Variants in PCDH15 observed in about 807,000 individuals in gnomAD.
The protein encoded by PCDH15 is protocadherin-15.
In PCDH15, 129 loss-of-function variants were observed where a neutral mutation model predicts 178.5. The ratio of observed to expected loss-of-function variants is 0.72; its 90% confidence interval spans 0.63 to 0.84. PCDH15 has a LOEUF of 0.84. Ranked by LOEUF, PCDH15 falls within the 40% of genes least tolerant of loss-of-function variation. The pLI, the probability that PCDH15 is intolerant of heterozygous loss-of-function variation, is 0.00. For missense variants in PCDH15, 2,230 were observed against 2,099.9 expected, an observed-to-expected ratio of 1.06 and a Z score of -1.21; for synonymous variants, 800 against 732.0, an observed-to-expected ratio of 1.09 and a Z score of -1.50.
intron 8 of PCDH15, among the ~76,000 whole-genome samples, chr10:54,287,332 T>G (rs1302669654): frequency 6.6e-6 from 1 of 152,212 alleles, no homozygotes; most frequent in African/African-American, 2.4e-5. Context: ...CACAACAATT[T>G]TACTATTTTG....
chr10:53,961,987 T>C, intron 21 of PCDH15, 95 bp from the exon 22 acceptor site: 3 of 1,056,732 alleles, frequency 2.8e-6, no homozygotes, highest in Non-Finnish European at 2.8e-6. Context: ...CATGGTCTTT[T>C]AGAAGTGAAA....
intron 1 of PCDH15, among the ~76,000 whole-genome samples, chr10:54,735,580 G>A (rs1425359282): frequency 4.2e-5 from 6 of 142,222 alleles, no homozygotes; most frequent in Admixed American, 7.2e-5. Flanking sequence ...TGTTTATTGC[G>A]GCATTATTCA....
intron 3 of PCDH15, among the ~76,000 whole-genome samples, chr10:54,490,127 ACTTT>A (rs2079447131): frequency 6.6e-6 from 1 of 152,102 alleles, no homozygotes; most frequent in Non-Finnish European, 1.5e-5. Context: ...ATGCATCTTG[ACTTT>A]CTAATTCCTC....
At chr10:55,447,088 A>G (rs577264955) in intron 2 of PCDH15, among the ~76,000 whole-genome samples, 23 of 152,232 alleles carry the variant, frequency 1.5e-4, no homozygotes, top group African/African-American at 5.3e-4. Flanking sequence ...GTCAAACACA[A>G]TGAATAATAA....
At chr10:54,865,595 C>T (rs771837566) in intron 3 of PCDH15, among the ~76,000 whole-genome samples, 1 of 152,092 alleles carries the variant, frequency 6.6e-6, no homozygotes, top group East Asian at 1.9e-4. Flanking sequence ...CAATCACCTG[C>T]CACCAGATCA....
At chr10:54,375,059 A>C (rs1283453485) in intron 4 of PCDH15, among the ~76,000 whole-genome samples, 1 of 152,094 alleles carries the variant, frequency 6.6e-6, no homozygotes, top group Non-Finnish European at 1.5e-5. Context: ...CTGGAAAATA[A>C]ATTTTTCTCT....
At chr10:55,442,470 T>TATTATATATATATAATATATATA (rs5785132) in intron 2 of PCDH15, among the ~76,000 whole-genome samples, 22 of 124,680 alleles carry the variant, frequency 1.8e-4, no homozygotes, top group Admixed American at 7.8e-4. Flanking sequence ...TATATATATA[T>TATTATATATATATAATATATATA]TATATATATA....
chr10:54,342,633 A>C (rs1942464790), intron 6 of PCDH15, among the ~76,000 whole-genome samples: 1 of 152,190 alleles, frequency 6.6e-6, no homozygotes, highest in Non-Finnish European at 1.5e-5. Flanking sequence ...TGTCTCCTCC[A>C]GATCCTAGAA....
At chr10:55,157,783 C>T (rs1838931645) in intron 2 of PCDH15, among the ~76,000 whole-genome samples, 1 of 148,906 alleles carries the variant, frequency 6.7e-6, no homozygotes, top group African/African-American at 2.5e-5. Flanking sequence ...GGAAGGGGTA[C>T]ATCACACACT....
intron 2 of PCDH15, among the ~76,000 whole-genome samples, chr10:55,577,480 ATAC>A (rs1367244342): frequency 3.9e-5 from 6 of 152,184 alleles, no homozygotes; most frequent in Non-Finnish European, 7.4e-5. Flanking sequence ...CTATGTATTT[ATAC>A]TACAACTATT....
At chr10:54,718,468 A>G (rs1479878796) in intron 1 of PCDH15, among the ~76,000 whole-genome samples, 1 of 152,054 alleles carries the variant, frequency 6.6e-6, no homozygotes, top group East Asian at 1.9e-4. Flanking sequence ...GAACTTATAC[A>G]GACTCTTTAG....
intron 2 of PCDH15, among the ~76,000 whole-genome samples, chr10:55,008,914 A>T (rs1215201803): frequency 2.6e-5 from 4 of 152,072 alleles, no homozygotes; most frequent in Non-Finnish European, 5.9e-5. Flanking sequence ...AAAAACAAAA[A>T]AAACCTCTCA....
At chr10:55,433,384 A>G (rs1838938997) in intron 2 of PCDH15, among the ~76,000 whole-genome samples, 1 of 152,200 alleles carries the variant, frequency 6.6e-6, no homozygotes. Context: ...ACACATGGAC[A>G]CAAAGAAAGT....
At chr10:54,382,617 A>G (rs765209475) in intron 3 of PCDH15, among the ~76,000 whole-genome samples, 1 of 152,108 alleles carries the variant, frequency 6.6e-6, no homozygotes, top group Non-Finnish European at 1.5e-5. Context: ...ACATGTGTCT[A>G]TGTGTCTGTA....
chr10:55,427,395 A>G (rs1029490229), intron 2 of PCDH15, among the ~76,000 whole-genome samples: 2 of 152,200 alleles, frequency 1.3e-5, no homozygotes, highest in Admixed American at 6.5e-5. Flanking sequence ...TGCATGATAT[A>G]TCTATTACAT....
intron 8 of PCDH15, among the ~76,000 whole-genome samples, chr10:54,287,131 G>A (rs2059078652): frequency 6.6e-6 from 1 of 152,038 alleles, no homozygotes. Flanking sequence ...AATTTTTAGA[G>A]TTTCAAAATT....
intron 2 of PCDH15, among the ~76,000 whole-genome samples, chr10:55,053,467 C>A (rs965121720): frequency 1.3e-5 from 2 of 152,162 alleles, no homozygotes; most frequent in African/African-American, 4.8e-5. Context: ...TTGACTTCAA[C>A]ATTAACATAA....
chr10:54,836,269 G>T (rs1953314216), intron 3 of PCDH15, among the ~76,000 whole-genome samples: 2 of 152,112 alleles, frequency 1.3e-5, no homozygotes, highest in Admixed American at 1.3e-4. Flanking sequence ...TAGACTGAAT[G>T]ATCAGAAATG....
intron 3 of PCDH15, among the ~76,000 whole-genome samples, chr10:54,813,574 A>G (rs74136295): frequency 2.1e-3 from 326 of 152,174 alleles, no homozygotes; most frequent in African/African-American, 7.3e-3. Flanking sequence ...CTCTTTTCCA[A>G]TCAAACACAT....
Sources: allele counts gnomAD v4.1 joint callset (sites outside exome capture counted in the v4.1 genomes callset), GRCh38; gene constraint gnomAD v4.1.1; transcripts MANE v1.5; gene names NCBI Gene and HGNC (gene_info 2026-07-23, HGNC 2026-07-21).